SMG5: variants seen among roughly 807,000 people sequenced by gnomAD.
SMG5 encodes the protein SMG5 nonsense mediated mRNA decay factor.
Under a neutral mutation model 122.9 loss-of-function variants are expected in SMG5, and 53 were observed. That is an observed-to-expected ratio of 0.43 (90% CI 0.35 to 0.54). The LOEUF (loss-of-function observed/expected upper bound fraction) is 0.54. Ranked by LOEUF, SMG5 falls within the 20% of genes least tolerant of loss-of-function variation. The pLI, the probability that SMG5 is intolerant of heterozygous loss-of-function variation, is 0.01. For missense variants in SMG5, 1,153 were observed against 1,285.6 expected (o/e 0.90, Z 1.58); for synonymous variants, 477 against 490.2 (o/e 0.97, Z 0.35).
At chr1:156,263,794 T>C (rs1178167584) in intron 12 of SMG5, among the ~76,000 whole-genome samples, 1 of 152,212 alleles carries the variant, frequency 6.6e-6, no homozygotes, top group Non-Finnish European at 1.5e-5. Context: ...TTACCAAGGT[T>C]GTTTTTAAAA....
At chr1:156,278,855 G>A (rs370627035) in intron 2 of SMG5, 81 bp downstream of exon 2, 23 of 1,152,942 alleles carry the variant, frequency 2.0e-5, no homozygotes, top group East Asian at 4.7e-5. Flanking sequence ...AACAGAGTGC[G>A]TGTTTATATA....
chr1:156,277,168 T>G lies in SMG5; in HGVS notation c.371A>C (p.His124Pro). Residue 124 changes from histidine (H) to proline (P), a missense_variant, in exon 4 of 22, where the codon CAT (histidine) becomes CCT (proline). This residue lies in a region of SMG5 where 213 missense variants were observed against 197.5 expected (regional missense o/e 1.08). Coordinates refer to ENST00000361813, the MANE Select transcript of SMG5 (RefSeq NM_015327.3). ...HLVAGIGFYQ[H>P]LLLYIQSHYQ... ...GTGGGACTGGATATAGAGAAGGAGA[T>G]GCTGGTAGAAGCCAATACCAGCAAC... The G allele has an allele frequency of 1.2e-6, 2 of 1,613,982 alleles. No homozygotes were observed. Among genetic ancestry groups the G allele is most frequent in the Non-Finnish European group, 1.7e-6 (2 of 1,179,978 alleles).
chr1:156,253,023 A>G lies in SMG5; in HGVS notation c.2558T>C (p.Met853Thr). The G allele has an allele frequency of 6.2e-7, 1 of 1,613,084 alleles. No homozygotes were observed. The highest frequency in any genetic ancestry group is 8.5e-7 in the Non-Finnish European group (1 of 1,179,706). ...GGTGTCAGGGACGAGGTAGGGAGACATGGCTGACTGGGCCTTGGGCTGCTG... is the reference window on the plus strand; with the variant it reads ...GGTGTCAGGGACGAGGTAGGGAGACGTGGCTGACTGGGCCTTGGGCTGCTG... ...SLQQPKAQSA[M>T]SPYLVPDTQA... The change falls in exon 18 of 22, where the codon ATG becomes ACG. Residue 853 changes from methionine (M) to threonine (T), a missense_variant. Physicochemically the swap from Met to Thr is moderately conservative, Grantham distance 81. Transcript: ENST00000361813.
chr1:156,266,174 G>A lies in SMG5; in HGVS notation c.1462C>T (p.Arg488Trp), dbSNP rs766114642. Residue 488 changes from arginine to tryptophan, a missense_variant, in exon 12 of 22, where the codon CGG becomes TGG. Physicochemically the swap from Arg to Trp is moderately radical, Grantham distance 101 (BLOSUM62 -3). Transcript: ENST00000361813. ...FESDSSHDSA[R>W]ASEGSDSGSD... is the part of the protein sequence containing the mutation. ...CCACTGTCTGAGCCCTCACTGGCCC[G>A]GGCTGAGTCATGGCTTGAGTCCGAT... 11 of 1,614,128 alleles carry A rather than the reference G, an allele frequency of 6.8e-6. No homozygotes were observed. The highest frequency in any genetic ancestry group is 2.2e-5 in the East Asian group (1 of 44,894).
At chr1:156,255,839 G>C (rs1055804501) in intron 16 of SMG5, among the ~76,000 whole-genome samples, 23 of 152,136 alleles carry the variant, frequency 1.5e-4, no homozygotes, top group African/African-American at 4.8e-4. Flanking sequence ...GGAGTTCAAG[G>C]CTGCAGTGAG....
At chr1:156,262,340 T>C (rs2256704) in intron 13 of SMG5, among the ~76,000 whole-genome samples, 119,252 of 151,522 alleles carry the variant, frequency 0.79, 47,695 homozygotes, top group African/African-American at 0.92. Flanking sequence ...ATTAGCTGGG[T>C]GTGGTGGCGC....
chr1:156,286,475 T>C, upstream of SMG5: 2 of 1,613,958 alleles, frequency 1.2e-6, no homozygotes, highest in Non-Finnish European at 1.7e-6. Context: ...CGTCTCCCGG[T>C]AAGTTGGGGC....
intron 5 of SMG5, among the ~76,000 whole-genome samples, chr1:156,273,992 G>A (rs1662566510): frequency 6.6e-6 from 1 of 152,078 alleles, no homozygotes; most frequent in Non-Finnish European, 1.5e-5. Context: ...ATGATACTCT[G>A]GTTCATCAAA....
chr1:156,286,216 C>A, upstream of SMG5: 1 of 1,593,130 alleles, frequency 6.3e-7, no homozygotes, highest in Non-Finnish European at 8.6e-7. Context: ...TTGTGCCCTT[C>A]CCCTGCCTTT....
chr1:156,261,434 C>A, intron 13 of SMG5, 26 bp from the exon 14 acceptor site: 1 of 1,598,278 alleles, frequency 6.3e-7, no homozygotes, highest in South Asian at 1.1e-5. Context: ...GGAGAGGAGG[C>A]CTTCAGCTAG....
At chr1:156,265,036 T>TACACACACACACACACAC (rs35457785) in intron 12 of SMG5, among the ~76,000 whole-genome samples, 26 of 122,804 alleles carry the variant, frequency 2.1e-4, no homozygotes, top group African/African-American at 6.8e-4. Context: ...AAAAAAAAAA[T>TACACACACACACACACAC]ACACACACAC....
intron 7 of SMG5, among the ~76,000 whole-genome samples, chr1:156,268,963 C>A (rs1036270576): frequency 1.3e-4 from 20 of 148,214 alleles, no homozygotes; most frequent in African/African-American, 4.7e-4. Flanking sequence ...GAAAAGTCCC[C>A]AATCCAACTC....
chr1:156,290,510 C>T, the SMG5 span: 34,579 of 147,464 alleles, frequency 0.23, 4,619 homozygotes, highest in Non-Finnish European at 0.29. Flanking sequence ...GCACTCCAGC[C>T]TGGCTGACAG....
rs368990362 is a variant in SMG5 at position 156,251,463 on chromosome 1, T to C, written c.2768A>G (p.Gln923Arg). 6.2e-6 allele frequency: 10 copies of C among 1,613,946 alleles called. No homozygotes were observed. Among genetic ancestry groups the C allele is most frequent in the Middle Eastern group, 1.7e-4 (1 of 5,988 alleles). ...CTCAAAGCTCTTTCCCACCTCTTTC[T>C]GGCAGCGAATGTACCTGCAGAGGAG... ...FKKGNRYIRC[Q>R]KEVGKSFERH... Residue 923 changes from glutamine (Q) to arginine (R), a missense_variant, in exon 20 of 22, where the codon CAG becomes CGG. Coordinates refer to ENST00000361813, the MANE Select transcript of SMG5 (RefSeq NM_015327.3).
Position 156,282,796 on chromosome 1 carries a change from C to A in SMG5, c.-116G>T. On this transcript the variant is annotated 5_prime_UTR_variant, in exon 1 of 22. Coordinates refer to ENST00000361813, the MANE Select transcript of SMG5 (RefSeq NM_015327.3). ...GCCGCCGCCACCGGCCCTGCTCGGCCGCCATCGCTGTGAGGCGGCTGCCCG... is the reference window on the plus strand; with the variant it reads ...GCCGCCGCCACCGGCCCTGCTCGGCAGCCATCGCTGTGAGGCGGCTGCCCG... 1 of 1,184,478 alleles carries A rather than the reference C, an allele frequency of 8.4e-7. No individual in the cohort carries two copies. The highest frequency in any genetic ancestry group is 1.1e-6 in the Non-Finnish European group (1 of 870,956). The allele number at this position is 1,184,478 out of a possible 1,614,324, so 73.4% of individuals were successfully genotyped here. A position where few individuals can be genotyped will look rare whatever the true frequency, so the allele number is the denominator to read the frequency against.
Position 156,282,637 on chromosome 1 carries a change from G to C in SMG5, c.44C>G (p.Ala15Gly). ...PPTGESSEPE[A>G]KVLHTKRLYR... The stretch of plus-strand genomic sequence containing the variant: ...AAGCCGCTTAGTGTGGAGGACTTTT[G>C]CTTCGGGCTCGCTGCTCTCCCCTGT... Residue 15 changes from alanine (A) to glycine (G), a missense_variant, in exon 1 of 22, where the codon GCA becomes GGA. Transcript: ENST00000361813. The C allele has an allele frequency of 2.5e-6, 4 of 1,608,724 alleles. No individual in the cohort carries two copies. The Middle Eastern group carries it at 6.6e-4, about 265-fold the overall frequency.
chr1:156,259,282 C>T, intron 15 of SMG5, 119 bp from the exon 16 acceptor site: 1 of 1,076,164 alleles, frequency 9.3e-7, no homozygotes, highest in Non-Finnish European at 1.3e-6. Flanking sequence ...CCTCAGCCAA[C>T]AAGGGCTCCA....
intron 20 of SMG5, 98 bp from the exon 21 acceptor site, chr1:156,251,094 G>A: frequency 6.7e-7 from 1 of 1,500,944 alleles, no homozygotes; most frequent in Non-Finnish European, 9.0e-7. Flanking sequence ...TGGGGGCTGG[G>A]AGGGCAGTGA....
upstream of SMG5, chr1:156,285,250 C>A: frequency 6.5e-7 from 1 of 1,547,728 alleles, no homozygotes; most frequent in Non-Finnish European, 8.7e-7. Context: ...AGACCCTGGC[C>A]CTACTGGAAG....
Sources: allele counts gnomAD v4.1 joint callset (sites outside exome capture counted in the v4.1 genomes callset), GRCh38; gene constraint gnomAD v4.1.1; regional missense constraint gnomAD v4.1.1; transcripts MANE v1.5; gene names NCBI Gene and HGNC (gene_info 2026-07-23, HGNC 2026-07-21).